The following SEL1L3 variants were observed in gnomAD, a reference collection of about 807,000 sequenced individuals.
SEL1L3 encodes the protein SEL1L family member 3.
A neutral mutation model predicts 142.8 loss-of-function variants in SEL1L3; 76 were observed. That is an observed-to-expected ratio of 0.53 (90% confidence interval 0.44 to 0.64). The LOEUF (loss-of-function observed/expected upper bound fraction) is 0.64. SEL1L3 is among the 30% of genes least tolerant of loss of function. The pLI, the probability that SEL1L3 is intolerant of heterozygous loss-of-function variation, is 0.00. For synonymous variants in SEL1L3, 504 were observed against 519.6 expected, an observed-to-expected ratio of 0.97 and a Z score of 0.41; for missense variants, 1,262 against 1,381.7, an observed-to-expected ratio of 0.91 and a Z score of 1.37.
intron 14 of SEL1L3, 34 bp downstream of exon 14, chr4:25,784,194 G>A (rs779840752): frequency 2.0e-6 from 3 of 1,533,438 alleles, no homozygotes; most frequent in South Asian, 1.1e-5. Context: ...GTGTGTGGTG[G>A]AACTGTTTCC....
In SEL1L3 at chr4:25,748,020, T is replaced by C. The variant is rs1322374625; in HGVS notation, c.*405A>G. On this transcript the variant is annotated 3_prime_UTR_variant, in exon 24 of 24. Coordinates refer to ENST00000399878, the MANE Select transcript of SEL1L3 (RefSeq NM_015187.5). ...AGGTACCAAAATATTATCCACCTTGTAGAGTAGTCATAATTTTCTGTTCTT... is the reference window on the plus strand; with the variant it reads ...AGGTACCAAAATATTATCCACCTTGCAGAGTAGTCATAATTTTCTGTTCTT... The C allele has an allele frequency of 1.2e-5, 2 of 166,710 alleles. No homozygotes were observed. The highest frequency in any genetic ancestry group is 2.6e-5 in the Non-Finnish European group (2 of 76,834). The allele number at this position is 166,710 out of a possible 1,614,324, so 10.3% of individuals were successfully genotyped here.
At chr4:25,748,708 C>A in intron 23 of SEL1L3, 144 bp from the exon 24 acceptor site, 1 of 730,410 alleles carries the variant, frequency 1.4e-6, no homozygotes, top group Non-Finnish European at 2.2e-6. Context: ...AACTCTGGAC[C>A]CGTTATCTAA....
the SEL1L3 span, chr4:25,720,706 T>A: frequency 6.6e-6 from 1 of 152,198 alleles, no homozygotes; most frequent in Non-Finnish European, 1.5e-5. Flanking sequence ...GTAAAGAATG[T>A]TGAGCCGTAG....
At chr4:25,832,935 A>G (rs1323359492) in intron 5 of SEL1L3, 60 bp downstream of exon 5, 1 of 1,036,592 alleles carries the variant, frequency 9.6e-7, no homozygotes. Context: ...GCTTTATAGC[A>G]ATGCTTAACT....
At chr4:25,840,390 C>T (rs1180655720) in intron 2 of SEL1L3, among the ~76,000 whole-genome samples, 1 of 151,968 alleles carries the variant, frequency 6.6e-6, no homozygotes, top group Non-Finnish European at 1.5e-5. Flanking sequence ...GCTGCATAAA[C>T]CATTTTTTTT....
chr4:25,819,687 C>A, intron 8 of SEL1L3, 121 bp downstream of exon 8: 1 of 864,036 alleles, frequency 1.2e-6, no homozygotes, highest in Non-Finnish European at 1.7e-6. Context: ...TCACACTTGT[C>A]CCATCTGGTA....
chr4:25,776,903 C>T (rs1056427190), intron 16 of SEL1L3, among the ~76,000 whole-genome samples: 6 of 151,200 alleles, frequency 4.0e-5, no homozygotes, highest in South Asian at 4.2e-4. Context: ...GGCACAAAAA[C>T]CCCCCCACAG....
At chr4:25,831,862 C>T (rs982981523) in intron 5 of SEL1L3, among the ~76,000 whole-genome samples, 11 of 152,076 alleles carry the variant, frequency 7.2e-5, no homozygotes, top group African/African-American at 2.4e-4. Flanking sequence ...CCTTTACCTG[C>T]TTAATGTTAC....
intron 21 of SEL1L3, 29 bp from the exon 22 acceptor site, chr4:25,757,819 G>C: frequency 1.3e-6 from 2 of 1,524,302 alleles, no homozygotes; most frequent in Non-Finnish European, 1.8e-6. Context: ...GCATCTTGAC[G>C]TGTCAGCCAA....
intron 9 of SEL1L3, among the ~76,000 whole-genome samples, chr4:25,805,465 T>C (rs922084648): frequency 6.6e-6 from 1 of 152,216 alleles, no homozygotes; most frequent in Non-Finnish European, 1.5e-5. Context: ...CAAAGGTCAC[T>C]AAAGCCAGAG....
the SEL1L3 span, among the ~76,000 whole-genome samples, chr4:25,736,734 G>A: frequency 1.9e-4 from 29 of 152,252 alleles, no homozygotes; most frequent in East Asian, 5.6e-3. Flanking sequence ...CTATTACTGA[G>A]AGAAGTGCAT....
rs191000502 is a variant in SEL1L3 at position 25,827,377 on chromosome 4, G to A, written c.1157+2721C>T. The stretch of plus-strand genomic sequence containing the variant: ...TATAAAAAAGTGAAATTTGGACACA[G>A]ACACACCCATGGGGAGGATGCCATG... On this transcript the variant is annotated intron_variant, in intron 6 of 23. Coordinates refer to ENST00000399878, the MANE Select transcript of SEL1L3 (RefSeq NM_015187.5). Among the ~76,000 whole-genome samples the A allele has an allele frequency of 4.1e-3, 629 of 152,276 alleles. 1 individual carries two copies. The highest frequency in any genetic ancestry group is 7.3e-3 in the South Asian group (35 of 4,824).
intron 1 of SEL1L3, among the ~76,000 whole-genome samples, chr4:25,859,855 C>T (rs1312387058): frequency 1.3e-5 from 2 of 152,200 alleles, no homozygotes; most frequent in African/African-American, 2.4e-5. Context: ...TATTCTGTGG[C>T]CTGCGCTTCC....
At chr4:25,852,290 A>G (rs1560359982) in intron 1 of SEL1L3, among the ~76,000 whole-genome samples, 1 of 152,186 alleles carries the variant, frequency 6.6e-6, no homozygotes. Flanking sequence ...CTCCTTTTCT[A>G]GCCACCCACC....
In SEL1L3 at chr4:25,765,191, G is replaced by A. The variant is rs532827145; in HGVS notation, c.2955+135C>T. 1.6e-4 allele frequency: 105 copies of A among 637,208 alleles called. No homozygotes were observed. In the Admixed American group the frequency reaches 1.8e-3, roughly 11 times the overall value. 39.5% of individuals were successfully genotyped at this position (637,208 alleles called of 1,614,324 possible). On this transcript the variant is annotated intron_variant, in intron 20 of 23. Transcript: ENST00000399878. ...TGTATTTTTGTAGAGATGGGGTTTC[G>A]CCATGTTGCTCAGGCTGGTCCCGAA... is the stretch of plus-strand genomic sequence containing the variant.
chr4:25,730,424 G>A, the SEL1L3 span, among the ~76,000 whole-genome samples: 4 of 151,950 alleles, frequency 2.6e-5, no homozygotes, highest in African/African-American at 9.7e-5. Flanking sequence ...TAGTTAGTCC[G>A]ATATAATAAA....
Position 25,757,749 on chromosome 4 carries a change from G to T in SEL1L3, c.3125C>A (p.Ser1042Tyr). 6.3e-7 allele frequency: 1 copy of T among 1,596,614 alleles called. No individual in the cohort carries two copies. Among genetic ancestry groups the T allele is most frequent in the South Asian group, 1.1e-5 (1 of 87,672 alleles). ...HSNEESFSPC[S>Y]LAWLYLHLRL... is the part of the protein sequence containing the mutation. ...CAAGTGCAGGTAAAGCCAGGCCAAG[G>T]AGCAGGGGCTGAAGGACTCCTCGTT... The change falls in exon 22 of 24, where the codon TCC (serine) becomes TAC (tyrosine). Residue 1042 changes from serine to tyrosine, a missense_variant. Ser to Tyr is a moderately radical substitution (Grantham distance 144). Transcript: ENST00000399878.
chr4:25,836,018 T>C (rs887620006), intron 2 of SEL1L3, among the ~76,000 whole-genome samples: 1 of 152,218 alleles, frequency 6.6e-6, no homozygotes, highest in African/African-American at 2.4e-5. Flanking sequence ...ACTCAGGCTC[T>C]TTGGTTTCAG....
At chr4:25,736,050 C>G in the SEL1L3 span, among the ~76,000 whole-genome samples, 12 of 151,868 alleles carry the variant, frequency 7.9e-5, no homozygotes, top group African/African-American at 2.9e-4. Flanking sequence ...AGGATGGTCT[C>G]CATCTCCTGA....
Sources: allele counts gnomAD v4.1 joint callset (sites outside exome capture counted in the v4.1 genomes callset), GRCh38; gene constraint gnomAD v4.1.1; transcripts MANE v1.5; gene names NCBI Gene and HGNC (gene_info 2026-07-23, HGNC 2026-07-21).